UNC13C: variants seen among roughly 807,000 people sequenced by gnomAD.
The protein encoded by UNC13C is protein unc-13 homolog C.
UNC13C carries 174 observed loss-of-function variants against 245.4 expected under a neutral mutation model. The ratio of observed to expected loss-of-function variants is 0.71; its 90% CI spans 0.63 to 0.80. UNC13C has a LOEUF of 0.80. Ranked by LOEUF, UNC13C falls within the 30% of genes least tolerant of loss-of-function variation. UNC13C has a pLI of 0.00. For missense variants in UNC13C, 2,829 were observed against 2,602.9 expected (o/e 1.09, Z -1.89); for synonymous variants, 992 against 895.1 (o/e 1.11, Z -1.93).
At chr15:53,870,578 A>G in the UNC13C span, among the ~76,000 whole-genome samples, 2 of 152,114 alleles carry the variant, frequency 1.3e-5, no homozygotes, top group African/African-American at 4.8e-5. Context: ...AGAAAAATGC[A>G]CTTCTGTCTT....
chr15:54,201,886 T>C (rs1046457697), intron 4 of UNC13C, among the ~76,000 whole-genome samples: 1 of 151,918 alleles, frequency 6.6e-6, no homozygotes, highest in Non-Finnish European at 1.5e-5. Flanking sequence ...TACTATTTGC[T>C]GATGATGTGA....
At chr15:54,246,448 C>T (rs185889471) in intron 7 of UNC13C, among the ~76,000 whole-genome samples, 33 of 148,064 alleles carry the variant, frequency 2.2e-4, no homozygotes, top group African/African-American at 5.5e-4. Context: ...AGTATTACGT[C>T]CTGTCTATAC....
At chr15:54,022,148 A>G (rs371373666) in intron 2 of UNC13C, among the ~76,000 whole-genome samples, 6 of 152,332 alleles carry the variant, frequency 3.9e-5, no homozygotes, top group African/African-American at 1.2e-4. Flanking sequence ...TTAGTTTTGA[A>G]GGAACCTCCA....
At chr15:53,845,905 C>T in the UNC13C span, among the ~76,000 whole-genome samples, 1 of 152,048 alleles carries the variant, frequency 6.6e-6, no homozygotes, top group Non-Finnish European at 1.5e-5. Flanking sequence ...GATGGTTTGA[C>T]TTACTTCTCT....
chr15:54,197,339 C>T (rs367674417), intron 4 of UNC13C, among the ~76,000 whole-genome samples: 2 of 151,768 alleles, frequency 1.3e-5, no homozygotes, highest in African/African-American at 4.8e-5. Flanking sequence ...TAGCTGGGCA[C>T]CTGTAATCCC....
chr15:53,978,137 A>C (rs1457123259), upstream of UNC13C, among the ~76,000 whole-genome samples: 1 of 152,264 alleles, frequency 6.6e-6, no homozygotes, highest in East Asian at 1.9e-4. Flanking sequence ...ATTTAGTATT[A>C]TCCACGCTAT....
intron 30 of UNC13C, among the ~76,000 whole-genome samples, chr15:54,599,810 T>G (rs1566932454): frequency 1.3e-5 from 2 of 152,100 alleles, no homozygotes; most frequent in Admixed American, 6.5e-5. Flanking sequence ...GACATCTGCT[T>G]CTTTTCTTCT....
At chr15:54,374,074 C>T (rs1402096812) in intron 17 of UNC13C, among the ~76,000 whole-genome samples, 1 of 152,176 alleles carries the variant, frequency 6.6e-6, no homozygotes, top group African/African-American at 2.4e-5. Flanking sequence ...CAGTGGGCAG[C>T]TCCTCTCTGC....
At chr15:53,839,068 T>C in the UNC13C span, among the ~76,000 whole-genome samples, 3 of 151,964 alleles carry the variant, frequency 2.0e-5, no homozygotes, top group Non-Finnish European at 4.4e-5. Flanking sequence ...CCAAATATCG[T>C]ATATATGTGT....
intron 24 of UNC13C, among the ~76,000 whole-genome samples, chr15:54,512,186 A>G (rs1175404327): frequency 2.6e-5 from 4 of 152,148 alleles, no homozygotes; most frequent in African/African-American, 9.7e-5. Flanking sequence ...TCAGCTTGAT[A>G]TCAATGTTTA....
At chr15:54,119,046 G>GT (rs879407588) in intron 2 of UNC13C, among the ~76,000 whole-genome samples, 3,352 of 140,054 alleles carry the variant, frequency 0.024, 66 homozygotes, top group African/African-American at 0.053. Flanking sequence ...CCAGTTTTTT[G>GT]TTTTTTTTTT....
the UNC13C span, among the ~76,000 whole-genome samples, chr15:53,930,268 G>A: frequency 4.6e-5 from 7 of 152,166 alleles, no homozygotes; most frequent in Admixed American, 2.6e-4. Flanking sequence ...GAGAGCAGGA[G>A]TAGATACTAC....
chr15:54,508,509 A>T (rs1894584562), intron 23 of UNC13C, among the ~76,000 whole-genome samples: 1 of 152,134 alleles, frequency 6.6e-6, no homozygotes, highest in South Asian at 2.1e-4. Flanking sequence ...TACTTGGAAA[A>T]ATTAAATCTT....
chr15:54,334,939 A>G (rs1361423180), intron 16 of UNC13C, among the ~76,000 whole-genome samples: 1 of 152,034 alleles, frequency 6.6e-6, no homozygotes, highest in Non-Finnish European at 1.5e-5. Flanking sequence ...ATTCTTCCCC[A>G]ACCCTCACTA....
chr15:54,101,061 ATTTG>A (rs1389119365), intron 2 of UNC13C, among the ~76,000 whole-genome samples: 1 of 152,082 alleles, frequency 6.6e-6, no homozygotes, highest in Non-Finnish European at 1.5e-5. Context: ...ATTTCATTGG[ATTTG>A]TTTAATTTAG....
At chr15:54,526,843 A>G (rs1478876826) in intron 25 of UNC13C, among the ~76,000 whole-genome samples, 1 of 152,124 alleles carries the variant, frequency 6.6e-6, no homozygotes, top group African/African-American at 2.4e-5. Context: ...TCCACTATTA[A>G]TAAACATTTA....
At chr15:54,001,368 G>A (rs1192895809) in intron 1 of UNC13C, among the ~76,000 whole-genome samples, 2 of 151,348 alleles carry the variant, frequency 1.3e-5, no homozygotes, top group African/African-American at 4.9e-5. Flanking sequence ...ATTAGCTCCT[G>A]TCTGGGAATT....
chr15:54,169,558 A>G (rs564409569), intron 4 of UNC13C, among the ~76,000 whole-genome samples: 1 of 152,278 alleles, frequency 6.6e-6, no homozygotes, highest in South Asian at 2.1e-4. Flanking sequence ...TGTATTTAAC[A>G]TGACCCAGAA....
chr15:54,587,013 T>A (rs1435267619), intron 30 of UNC13C, among the ~76,000 whole-genome samples: 1 of 152,210 alleles, frequency 6.6e-6, no homozygotes, highest in Non-Finnish European at 1.5e-5. Flanking sequence ...CAACATTTAA[T>A]CACCCCTAGA....
Sources: allele counts gnomAD v4.1 joint callset (sites outside exome capture counted in the v4.1 genomes callset), GRCh38; gene constraint gnomAD v4.1.1; transcripts MANE v1.5; gene names NCBI Gene and HGNC (gene_info 2026-07-23, HGNC 2026-07-21).